The following INTS1 variants were observed in gnomAD, a reference collection of about 807,000 sequenced individuals.
The protein encoded by INTS1 is integrator complex subunit 1.
Under a neutral mutation model 241.6 loss-of-function variants are expected in INTS1, and 137 were observed. The ratio of observed to expected loss-of-function variants is 0.57; its 90% CI spans 0.49 to 0.65. The LOEUF is 0.65. Ranked by LOEUF, INTS1 falls within the 30% of genes least tolerant of loss-of-function variation. The pLI is 0.00. For synonymous variants in INTS1, 1,692 were observed against 1,337.8 expected (o/e 1.26, Z -5.78); for missense variants, 3,073 against 3,032.2 (o/e 1.01, Z -0.32).
At chr7:1,473,855 G>A (rs1781588140) in intron 41 of INTS1, among the ~76,000 whole-genome samples, 162 bp from the exon 42 acceptor site, 1 of 152,258 alleles carries the variant, frequency 6.6e-6, no homozygotes, top group South Asian at 2.1e-4. Context: ...GGCCGGCATG[G>A]CCTGTCAGGG....
At chr7:1,475,307 C>G (rs916573881) in intron 39 of INTS1, among the ~76,000 whole-genome samples, 2 of 152,114 alleles carry the variant, frequency 1.3e-5, no homozygotes, top group Admixed American at 6.6e-5. Flanking sequence ...CTCACTTGAG[C>G]ACAGGGGGTT....
chr7:1,470,847 T>G lies in INTS1; in HGVS notation c.6456A>C (p.Gln2152His). Residue 2152 changes from glutamine to histidine, a missense_variant and splice_region_variant, in exon 47 of 48, where the codon CAA (glutamine) becomes CAC (histidine). Gln to His is a conservative substitution (Grantham distance 24). Transcript: ENST00000404767. ...RNLPEYALLC[Q>H]EHAAVLLHRA... ...CCTGGGCGGGGGGCCAGTCCTCACCTTGGCACAGGAGAGCGTACTCAGGCA... is the reference window on the plus strand; with the variant it reads ...CCTGGGCGGGGGGCCAGTCCTCACCGTGGCACAGGAGAGCGTACTCAGGCA... The G allele has an allele frequency of 3.8e-6, 6 of 1,585,168 alleles. No individual in the cohort carries two copies. The highest frequency in any genetic ancestry group is 2.6e-6 in the Non-Finnish European group (3 of 1,166,564).
chr7:1,491,411 C>G (rs1583140080), intron 16 of INTS1, among the ~76,000 whole-genome samples: 1 of 152,204 alleles, frequency 6.6e-6, no homozygotes, highest in Non-Finnish European at 1.5e-5. Context: ...TGAAGCCGGA[C>G]CCCTGCCTCA....
In INTS1 at chr7:1,493,186, C is replaced by T. The variant is rs551723297; in HGVS notation, c.2069-80G>A. The T allele has an allele frequency of 2.8e-4, 181 of 637,766 alleles. No homozygotes were observed. The highest frequency in any genetic ancestry group is 4.2e-4 in the Non-Finnish European group (160 of 384,414). 39.5% of individuals were successfully genotyped at this position (637,766 alleles called of 1,614,324 possible). On this transcript the variant is annotated intron_variant, in intron 15 of 47. Coordinates refer to ENST00000404767, the MANE Select transcript of INTS1 (RefSeq NM_001080453.3). This position sits in a 1 kb window ranked among gnomAD's most constrained non-coding sequence, Gnocchi z 5.3. ...AGGCAGCGAGGGAACCGGCCCTGCTCGGGCCGCGTCGGGGTGGGGTGGGGG... is the reference window on the plus strand; with the variant it reads ...AGGCAGCGAGGGAACCGGCCCTGCTTGGGCCGCGTCGGGGTGGGGTGGGGG...
chr7:1,498,948 G>GCC, intron 8 of INTS1, 27 bp downstream of exon 8: 1 of 946,718 alleles, frequency 1.1e-6, no homozygotes, highest in Non-Finnish European at 1.4e-6. Context: ...CCCCTGCCCC[G>GCC]CCCACCCCCC....
intron 37 of INTS1, 27 bp downstream of exon 37, chr7:1,476,543 C>T (rs535073516): frequency 8.1e-6 from 13 of 1,610,196 alleles, no homozygotes; most frequent in African/African-American, 1.3e-5. Flanking sequence ...CCCCCTCTCC[C>T]GGATGGGCCA....
chr7:1,471,723 C>G (rs987225857), intron 44 of INTS1, 82 bp from the exon 45 acceptor site: 3 of 1,348,250 alleles, frequency 2.2e-6, no homozygotes. Flanking sequence ...CCAGAGGGGG[C>G]AAGGCCCCGA....
In INTS1 at chr7:1,493,791, G is replaced by C. The variant is rs550447111; in HGVS notation, c.2031C>G (p.Asp677Glu). The C allele has an allele frequency of 1.3e-6, 2 of 1,579,412 alleles. No homozygotes were observed. Among genetic ancestry groups the C allele is most frequent in the Admixed American group, 3.7e-5 (2 of 54,726 alleles). Reference protein sequence around the residue: ...LGPADAMELADHLVKRAAAVQ... With the variant: ...LGPADAMELAEHLVKRAAAVQ... ...CGGCAGCCGCCCGCTTCACCAGGTGGTCAGCAAGCTCCATGGCGTCCGCAG... is the reference window on the plus strand; with the variant it reads ...CGGCAGCCGCCCGCTTCACCAGGTGCTCAGCAAGCTCCATGGCGTCCGCAG... Residue 677 changes from aspartate (D) to glutamate (E), a missense_variant, in exon 15 of 48, where the codon GAC (aspartate) becomes GAG (glutamate). Transcript: ENST00000404767. This position sits in a 1 kb window ranked among gnomAD's most constrained non-coding sequence, Gnocchi z 5.3.
intron 3 of INTS1, among the ~76,000 whole-genome samples, chr7:1,502,418 T>C (rs1336589348): frequency 6.6e-6 from 1 of 152,206 alleles, no homozygotes; most frequent in Admixed American, 6.5e-5. Flanking sequence ...CCCCCGTTGA[T>C]GTCCTTACTG....
rs113375280 is a variant in INTS1 at position 1,492,947 on chromosome 7, T to C, written c.2165+63A>G. On this transcript the variant is annotated intron_variant, in intron 16 of 47. Coordinates refer to ENST00000404767, the MANE Select transcript of INTS1 (RefSeq NM_001080453.3). ...GGAGCGGGGCGCGGGCTTACCCGGGTGGGAGTGGGGAGCGGGGCGCGGGCT... is the reference window on the plus strand; with the variant it reads ...GGAGCGGGGCGCGGGCTTACCCGGGCGGGAGTGGGGAGCGGGGCGCGGGCT... 2.8e-4 allele frequency: 237 copies of C among 842,744 alleles called. No individual in the cohort carries two copies. In the East Asian group the frequency reaches 3.6e-3, roughly 13 times the overall value. 52.2% of individuals were successfully genotyped at this position (842,744 alleles called of 1,614,324 possible). A position where few individuals can be genotyped will look rare whatever the true frequency, so the allele number is the denominator to read the frequency against.
rs528553994 is a variant in INTS1, at chr7:1,489,236, G to A, written c.2318+108C>T. 4.1e-5 allele frequency: 8 copies of A among 196,638 alleles called. No individual in the cohort carries two copies. In the Admixed American group the frequency reaches 5.7e-4, roughly 14 times the overall value. 12.2% of individuals were successfully genotyped at this position (196,638 alleles called of 1,614,324 possible). On this transcript the variant is annotated intron_variant, in intron 18 of 47. Transcript: ENST00000404767. ...TCCATGAGTCAACAGAAGATGCTAA[G>A]ATGCTGATGCAGCACGACCCAGGAG...
rs1418455078 is a variant in INTS1 at position 1,473,134 on chromosome 7, G to C, written c.6008C>G (p.Ala2003Gly). The C allele has an allele frequency of 6.2e-7, 1 of 1,612,130 alleles. No homozygotes were observed. The highest frequency in any genetic ancestry group is 8.5e-7 in the Non-Finnish European group (1 of 1,179,490). ...GTCCCTGCTGGGCAGGCTGAGCCCT[G>C]CAAGGAGGGATTTCAGCATCACCAG... ...SDLVMLKSLL[A>G]GLSLPSRDDR... Residue 2003 changes from alanine to glycine, a missense_variant, in exon 43 of 48, where the codon GCA becomes GGA. Transcript: ENST00000404767.
rs1294047808 is a variant in INTS1 at position 1,497,941 on chromosome 7, C to A, written c.1425+471G>T. Among the ~76,000 whole-genome samples, 4 of 152,348 alleles carry A rather than the reference C, an allele frequency of 2.6e-5. No individual in the cohort carries two copies. Among genetic ancestry groups the A allele is most frequent in the Admixed American group, 2.6e-4 (4 of 15,300 alleles). Reference sequence around the variant, plus strand: ...ACAGGAGGCGGGTCTGGGCCAGGCACAGGGGCTCATGCCTGTCATCCCAGC... The same window carrying A: ...ACAGGAGGCGGGTCTGGGCCAGGCAAAGGGGCTCATGCCTGTCATCCCAGC... On this transcript the variant is annotated intron_variant, in intron 10 of 47. Coordinates refer to ENST00000404767, the MANE Select transcript of INTS1 (RefSeq NM_001080453.3). This position sits in a 1 kb window ranked among gnomAD's most constrained non-coding sequence, Gnocchi z 5.3.
In INTS1 at chr7:1,504,349, G is replaced by A. The variant is rs147441909; in HGVS notation, c.-68C>T. ...TCTGGCCCATCGCGACCGGAGCGCC[G>A]CCGCCGCCACCCGGCCACCCCGGAA... is the stretch of plus-strand genomic sequence containing the variant. On this transcript the variant is annotated 5_prime_UTR_variant, in exon 1 of 48. Transcript: ENST00000404767. 920 of 499,260 alleles carry A rather than the reference G, an allele frequency of 1.8e-3. 6 individuals are homozygous for A. The highest frequency in any genetic ancestry group is 2.6e-3 in the South Asian group (170 of 65,022). The allele number at this position is 499,260 out of a possible 1,614,324, so 30.9% of individuals were successfully genotyped here.
Position 1,472,325 on chromosome 7 carries a change from C to A in INTS1, c.6132G>T (p.Ala2044=). The A allele has an allele frequency of 6.4e-7, 1 of 1,571,806 alleles. No individual in the cohort carries two copies. Among genetic ancestry groups the A allele is most frequent in the Non-Finnish European group, 8.6e-7 (1 of 1,159,352 alleles). Residue 2044 remains alanine (A), a synonymous_variant, in exon 44 of 48, where the codon GCG becomes GCT. Transcript: ENST00000404767. ...VSVSLFTPLT[A]AEMAPYMKRL... is the part of the protein sequence containing the mutation. ...GTTTCATGTAGGGGGCCATCTCGGC[C>A]GCGGTCAGAGGGGTGAACAGGGAGA...
In INTS1 at chr7:1,497,075, G is replaced by C; in HGVS notation, c.1602+63C>G. ...GGAGTGTGCATGGGACCCAGGACGAGGGGGATGGCGGCGCGTGGAACCCGC... is the reference window on the plus strand; with the variant it reads ...GGAGTGTGCATGGGACCCAGGACGACGGGGATGGCGGCGCGTGGAACCCGC... On this transcript the variant is annotated intron_variant, in intron 11 of 47. Coordinates refer to ENST00000404767, the MANE Select transcript of INTS1 (RefSeq NM_001080453.3). The surrounding 1 kb of genome is among the most constrained non-coding windows in gnomAD (Gnocchi z 5.3). 1.3e-6 allele frequency: 2 copies of C among 1,481,590 alleles called. No homozygotes were observed. Among genetic ancestry groups the C allele is most frequent in the Non-Finnish European group, 1.8e-6 (2 of 1,108,990 alleles). The allele number at this position is 1,481,590 out of a possible 1,614,324, so 91.8% of individuals were successfully genotyped here.
In INTS1 at chr7:1,486,745, G is replaced by A; in HGVS notation, c.2856C>T (p.Gly952=). ...GGCCCAGTAGCAGGTCCTGCAGGCGGCCCAGCAGCTGCCGCTGCTTCTGTT... is the reference window on the plus strand; with the variant it reads ...GGCCCAGTAGCAGGTCCTGCAGGCGACCCAGCAGCTGCCGCTGCTTCTGTT... ...QRQQKQRQLL[G]RLQDLLLGPK... Residue 952 remains glycine (G), a synonymous_variant, in exon 22 of 48, where the codon GGC becomes GGT. Coordinates refer to ENST00000404767, the MANE Select transcript of INTS1 (RefSeq NM_001080453.3). 6 of 1,611,534 alleles carry A rather than the reference G, an allele frequency of 3.7e-6. No homozygotes were observed. Among genetic ancestry groups the A allele is most frequent in the Non-Finnish European group, 5.1e-6 (6 of 1,179,586 alleles).
intron 18 of INTS1, among the ~76,000 whole-genome samples, chr7:1,489,141 C>T (rs748222796): frequency 1.1e-4 from 16 of 151,738 alleles, no homozygotes; most frequent in Non-Finnish European, 1.9e-4. Context: ...CGCCTCAATC[C>T]ACACCCCCTC....
rs1052171751 is a variant in INTS1 at position 1,497,634 on chromosome 7, G to A, written c.1426-320C>T. ...GCGCGTGTGCCATCTCAGCCCACCC[G>A]TGCGCCACGGGCTGAACGGAAACCA... On this transcript the variant is annotated intron_variant, in intron 10 of 47. Coordinates refer to ENST00000404767, the MANE Select transcript of INTS1 (RefSeq NM_001080453.3). This position sits in a 1 kb window ranked among gnomAD's most constrained non-coding sequence, Gnocchi z 5.3. Among the ~76,000 whole-genome samples the A allele has an allele frequency of 6.6e-6, 1 of 152,214 alleles. No individual in the cohort carries two copies. The highest frequency in any genetic ancestry group is 2.4e-5 in the African/African-American group (1 of 41,464).
Sources: allele counts gnomAD v4.1 joint callset (sites outside exome capture counted in the v4.1 genomes callset), GRCh38; gene constraint gnomAD v4.1.1; non-coding constraint Gnocchi (gnomAD v3.1); transcripts MANE v1.5; gene names NCBI Gene and HGNC (gene_info 2026-07-23, HGNC 2026-07-21).